The following PHLPP1 variants were observed in gnomAD, a reference collection of about 807,000 sequenced individuals.
PHLPP1 encodes PH domain and leucine rich repeat protein phosphatase 1, also known as PH domain leucine-rich repeat-containing protein phosphatase 1.
PHLPP1 carries 42 observed loss-of-function variants against 117.2 expected under a neutral mutation model. That is an observed-to-expected ratio of 0.36 (90% confidence interval 0.28 to 0.46). The LOEUF (loss-of-function observed/expected upper bound fraction) is 0.46, where lower values mean the gene tolerates loss of function less well. Among genes scored for constraint, PHLPP1 ranks in the 20% least tolerant of loss-of-function variants. The probability of loss-of-function intolerance (pLI) is 1.00; values close to 1 mark genes in which losing one functional copy is unlikely to be tolerated. For missense variants in PHLPP1, 2,084 were observed against 2,241.9 expected, an observed-to-expected ratio of 0.93 and a Z score of 1.42; for synonymous variants, 1,042 against 970.7, an observed-to-expected ratio of 1.07 and a Z score of -1.37.
chr18:62,772,363 T>C (rs1365527638), intron 1 of PHLPP1, among the ~76,000 whole-genome samples: 2 of 152,100 alleles, frequency 1.3e-5, no homozygotes, highest in East Asian at 3.9e-4. Context: ...TTAAGCATAA[T>C]TGGCAATAAT....
chr18:62,953,561 T>C (rs1910525575), intron 12 of PHLPP1, among the ~76,000 whole-genome samples: 1 of 152,210 alleles, frequency 6.6e-6, no homozygotes. Context: ...TAAAGGTGTA[T>C]TGTTTATTTC....
intron 3 of PHLPP1, among the ~76,000 whole-genome samples, chr18:62,847,406 T>C (rs772700522): frequency 6.6e-6 from 1 of 152,210 alleles, no homozygotes; most frequent in Non-Finnish European, 1.5e-5. Context: ...GGTGGAACTC[T>C]GGAAAATTTT....
chr18:62,879,150 A>C (rs1916115025), intron 4 of PHLPP1, among the ~76,000 whole-genome samples: 1 of 152,120 alleles, frequency 6.6e-6, no homozygotes, highest in Non-Finnish European at 1.5e-5. Context: ...TCCCCCATGC[A>C]ACAGTATTAA....
At chr18:62,874,580 C>T (rs948726295) in intron 4 of PHLPP1, among the ~76,000 whole-genome samples, 4 of 152,182 alleles carry the variant, frequency 2.6e-5, no homozygotes, top group Non-Finnish European at 5.9e-5. Context: ...TGGAGCTTCT[C>T]CCGGCAGCTA....
At chr18:62,854,591 A>G (rs1915445838) in intron 3 of PHLPP1, among the ~76,000 whole-genome samples, 1 of 151,730 alleles carries the variant, frequency 6.6e-6, no homozygotes, top group African/African-American at 2.4e-5. Flanking sequence ...ATGTTATTTT[A>G]TGATGGAGAT....
At position 62,856,815 on chromosome 18, in the gene PHLPP1, A is replaced by G. The variant is rs536512364; in HGVS notation, c.1900-3620A>G. On this transcript the variant is annotated intron_variant, in intron 3 of 16. Transcript: ENST00000262719. Reference sequence around the variant, plus strand: ...TTCTTCCAGATAAATCCTATCTGCCAACTTCTCCGGTTTTTCCTTTCTAAA... The same window carrying G: ...TTCTTCCAGATAAATCCTATCTGCCGACTTCTCCGGTTTTTCCTTTCTAAA... Among the ~76,000 whole-genome samples the G allele has an allele frequency of 2.2e-4, 33 of 152,182 alleles. 1 individual carries two copies. The highest frequency in any genetic ancestry group is 1.4e-3 in the Admixed American group (22 of 15,284).
At chr18:62,948,009 G>A (rs1910349318) in intron 12 of PHLPP1, among the ~76,000 whole-genome samples, 1 of 151,332 alleles carries the variant, frequency 6.6e-6, no homozygotes, top group Admixed American at 6.6e-5. Flanking sequence ...TGGGCAACAA[G>A]AGCAAAATTC....
At chr18:62,975,918 T>C (rs375254216) in intron 16 of PHLPP1, among the ~76,000 whole-genome samples, 4 of 152,364 alleles carry the variant, frequency 2.6e-5, no homozygotes, top group African/African-American at 9.6e-5. Context: ...GCTCTACCCC[T>C]GACATCACAC....
At chr18:62,925,978 T>G (rs10221341) in intron 10 of PHLPP1, among the ~76,000 whole-genome samples, 7,506 of 152,200 alleles carry the variant, frequency 0.049, 625 homozygotes, top group African/African-American at 0.17. Flanking sequence ...AAATAGATTT[T>G]TATAAAAGAA....
rs988819997 is a variant in PHLPP1 at position 62,926,223 on chromosome 18, CA to C, written c.2960+6116del. Among the ~76,000 whole-genome samples the C allele has an allele frequency of 4.1e-4, 62 of 152,134 alleles. 1 individual carries two copies. The East Asian group carries it at 0.012, about 29-fold the overall frequency. On this transcript the variant is annotated intron_variant, in intron 10 of 16. Coordinates refer to ENST00000262719, the MANE Select transcript of PHLPP1 (RefSeq NM_194449.4). The stretch of plus-strand genomic sequence containing the variant: ...ATTCTTTTCTCTCCCCTATTTCTCC[CA>C]AAAAAATCTACCTCAGTCCTGGAGA...
intron 1 of PHLPP1, among the ~76,000 whole-genome samples, chr18:62,760,261 G>T (rs1912173238): frequency 6.6e-6 from 1 of 151,488 alleles, no homozygotes; most frequent in African/African-American, 2.4e-5. Context: ...TGAAGCAGCA[G>T]CTGCCTCCGT....
intron 5 of PHLPP1, 39 bp downstream of exon 5, chr18:62,895,196 GC>G: frequency 1.9e-6 from 3 of 1,596,284 alleles, no homozygotes; most frequent in Non-Finnish European, 2.6e-6. Context: ...ATATCCAGAA[GC>G]CCCAGGGAAG....
intron 1 of PHLPP1, among the ~76,000 whole-genome samples, chr18:62,798,682 T>C (rs1372872997): frequency 6.6e-6 from 1 of 152,160 alleles, no homozygotes. Context: ...CTCTTGTTTT[T>C]TATTGCTCAT....
chr18:62,826,005 C>T (rs1914603625), intron 1 of PHLPP1, among the ~76,000 whole-genome samples: 1 of 152,204 alleles, frequency 6.6e-6, no homozygotes, highest in Admixed American at 6.5e-5. Flanking sequence ...AATTTTAAAC[C>T]ACCACTTCTT....
At chr18:62,744,784 A>G (rs1010003093) in intron 1 of PHLPP1, among the ~76,000 whole-genome samples, 1 of 152,240 alleles carries the variant, frequency 6.6e-6, no homozygotes, top group Non-Finnish European at 1.5e-5. Flanking sequence ...GTATGTTACT[A>G]TTATAACACT....
chr18:62,933,956 C>T (rs1273301762), intron 10 of PHLPP1, among the ~76,000 whole-genome samples: 1 of 152,100 alleles, frequency 6.6e-6, no homozygotes, highest in East Asian at 1.9e-4. Flanking sequence ...AAAATTCAGG[C>T]TGCCAGCAAA....
chr18:62,799,017 A>G (rs1358768182), intron 1 of PHLPP1, among the ~76,000 whole-genome samples: 2 of 152,220 alleles, frequency 1.3e-5, no homozygotes, highest in African/African-American at 2.4e-5. Flanking sequence ...TACAATTATT[A>G]AGTAGCAAAA....
intron 3 of PHLPP1, among the ~76,000 whole-genome samples, chr18:62,855,284 G>T (rs56681642): frequency 4.6e-5 from 7 of 152,116 alleles, no homozygotes; most frequent in African/African-American, 1.4e-4. Context: ...ATGTATGTAG[G>T]TCTTTCTTAT....
intron 1 of PHLPP1, among the ~76,000 whole-genome samples, chr18:62,780,561 A>G (rs1272944526): frequency 6.6e-6 from 1 of 152,220 alleles, no homozygotes; most frequent in African/African-American, 2.4e-5. Flanking sequence ...TGAATGTTCC[A>G]TTCCGTGTTC....
Sources: gnomAD v4.1 joint callset for allele counts (sites outside exome capture counted in the v4.1 genomes callset) on GRCh38, gnomAD v4.1.1 for gene constraint, MANE v1.5 for transcripts, NCBI Gene and HGNC (gene_info 2026-07-23, HGNC 2026-07-21) for gene names.